Variants in PIAS2 observed in about 807,000 individuals in gnomAD.
The protein encoded by PIAS2 is E3 SUMO-protein ligase PIAS2.
PIAS2 carries 19 observed loss-of-function variants against 69.7 expected under a neutral mutation model. That is an observed-to-expected ratio of 0.27 (90% CI 0.19 to 0.40). The LOEUF (loss-of-function observed/expected upper bound fraction) is 0.40, where lower values mean the gene tolerates loss of function less well. Among genes scored for constraint, PIAS2 ranks in the 10% least tolerant of loss-of-function variants. The pLI is 1.00. For missense variants in PIAS2, 624 were observed against 757.0 expected (o/e 0.82, Z 2.06); for synonymous variants, 261 against 263.2 (o/e 0.99, Z 0.08).
At chr18:46,884,140 G>A (rs1250334849) in intron 2 of PIAS2, among the ~76,000 whole-genome samples, 1 of 152,010 alleles carries the variant, frequency 6.6e-6, no homozygotes, top group African/African-American at 2.4e-5. Context: ...GAAAAGAGAG[G>A]GCTTTAAAGA....
At chr18:46,920,092 C>T, upstream of PIAS2, 3 of 1,289,708 alleles carry the variant, frequency 2.3e-6, no homozygotes, top group South Asian at 1.2e-5. Context: ...TCCCAGCATT[C>T]ATTCTGCCCC....
chr18:46,817,061 T>C lies in PIAS2; in HGVS notation c.1649-1712A>G, dbSNP rs537271156. ...AAAAAAAGTTTATTGGAACATTTTGTTCTGCTTCAAATGGTATAACCGTTT... is the reference window on the plus strand; with the variant it reads ...AAAAAAAGTTTATTGGAACATTTTGCTCTGCTTCAAATGGTATAACCGTTT... On this transcript the variant is annotated intron_variant, in intron 12 of 13. Transcript: ENST00000585916. 1.2e-5 allele frequency: 11 copies of C among 938,358 alleles called. No individual in the cohort carries two copies. The African/African-American group carries it at 1.8e-4, about 15-fold the overall frequency. 58.1% of individuals were successfully genotyped at this position (938,358 alleles called of 1,614,324 possible).
At chr18:46,815,433 A>C (rs1377991439) in intron 12 of PIAS2, 84 bp from the exon 13 acceptor site, 1 of 1,599,126 alleles carries the variant, frequency 6.3e-7, no homozygotes, top group African/African-American at 1.3e-5. Flanking sequence ...ATCACAAATC[A>C]CAAAACATTT....
intron 1 of PIAS2, among the ~76,000 whole-genome samples, chr18:46,899,079 C>G (rs539666289): frequency 6.6e-6 from 1 of 150,614 alleles, no homozygotes; most frequent in South Asian, 2.1e-4. Context: ...GAAAAGGTAT[C>G]AATTGTTTCC....
intron 3 of PIAS2, among the ~76,000 whole-genome samples, chr18:46,862,700 C>T (rs1321426983): frequency 6.6e-6 from 1 of 151,878 alleles, no homozygotes; most frequent in Non-Finnish European, 1.5e-5. Flanking sequence ...CATATATATA[C>T]ACATATATGT....
At chr18:46,815,715 G>C in intron 12 of PIAS2, 13 of 1,006,408 alleles carry the variant, frequency 1.3e-5, no homozygotes, top group Non-Finnish European at 1.5e-5. Context: ...ACATACTTAA[G>C]CTCTTAAGAT....
chr18:46,909,014 A>T (rs1183622119), intron 1 of PIAS2, among the ~76,000 whole-genome samples: 4 of 152,172 alleles, frequency 2.6e-5, no homozygotes, highest in African/African-American at 9.7e-5. Flanking sequence ...ATCTCAAAAA[A>T]TAAAAATAAA....
intron 9 of PIAS2, among the ~76,000 whole-genome samples, chr18:46,831,052 T>G (rs2043538836): frequency 6.6e-6 from 1 of 152,126 alleles, no homozygotes. Context: ...ATTACCAGAC[T>G]AGTCAATGCA....
Position 46,807,381 on chromosome 18 carries a change from ATATTTTTTTTTT to A in PIAS2, c.*5040_*5051del, listed in dbSNP as rs1350962899. 1.1e-3 allele frequency: 21 copies of A among 19,848 alleles called. No homozygotes were observed. The highest frequency in any genetic ancestry group is 1.7e-3 in the South Asian group (1 of 592). The allele number at this position is 19,848 out of a possible 1,614,324, so 1.2% of individuals were successfully genotyped here. The stretch of plus-strand genomic sequence containing the variant: ...TATATATATATATATATATATATAT[ATATTTTTTTTTT>A]TTTTTTTTTTTTTTTTTAGAGAGTC... On this transcript the variant is annotated 3_prime_UTR_variant, in exon 14 of 14. Coordinates refer to ENST00000585916, the MANE Select transcript of PIAS2 (RefSeq NM_004671.5).
At chr18:46,881,820 C>T (rs183345530) in intron 2 of PIAS2, among the ~76,000 whole-genome samples, 8 of 152,336 alleles carry the variant, frequency 5.3e-5, no homozygotes, top group Non-Finnish European at 8.8e-5. Context: ...ACACAGACAC[C>T]GGGCACGGTG....
chr18:46,886,777 G>T (rs573804144), intron 2 of PIAS2, among the ~76,000 whole-genome samples: 1 of 152,048 alleles, frequency 6.6e-6, no homozygotes, highest in African/African-American at 2.4e-5. Flanking sequence ...AGTGGAGGCC[G>T]CAGTGAGCCG....
intron 12 of PIAS2, among the ~76,000 whole-genome samples, chr18:46,818,998 T>G (rs1041415244): frequency 1.3e-5 from 2 of 152,104 alleles, no homozygotes; most frequent in African/African-American, 4.8e-5. Flanking sequence ...TCTGAAATAA[T>G]GTAAATTTCC....
At chr18:46,913,719 G>A (rs1313439156) in intron 1 of PIAS2, among the ~76,000 whole-genome samples, 1 of 152,186 alleles carries the variant, frequency 6.6e-6, no homozygotes, top group Non-Finnish European at 1.5e-5. Context: ...AACTGGAAGG[G>A]TAAAGAAAAA....
Position 46,812,382 on chromosome 18 carries a change from C to A in PIAS2, c.*51G>T. 1.2e-5 allele frequency: 13 copies of A among 1,118,276 alleles called. No individual in the cohort carries two copies. The highest frequency in any genetic ancestry group is 2.5e-5 in the East Asian group (1 of 39,432). The allele number at this position is 1,118,276 out of a possible 1,614,324, so 69.3% of individuals were successfully genotyped here. The stretch of plus-strand genomic sequence containing the variant: ...AGAACGTTTCCACAGACTAGAGATC[C>A]AAGAAAAAGCAGTTCTGATGAATGA... On this transcript the variant is annotated 3_prime_UTR_variant, in exon 14 of 14. Coordinates refer to ENST00000585916, the MANE Select transcript of PIAS2 (RefSeq NM_004671.5).
At chr18:46,822,782 G>C (rs186725390) in intron 11 of PIAS2, among the ~76,000 whole-genome samples, 57 of 152,236 alleles carry the variant, frequency 3.7e-4, no homozygotes, top group African/African-American at 1.3e-3. Flanking sequence ...GAGAGAGACT[G>C]GGGTATACGT....
chr18:46,812,733 A>AT, intron 13 of PIAS2, 121 bp from the exon 14 acceptor site: 1 of 585,372 alleles, frequency 1.7e-6, no homozygotes, highest in Non-Finnish European at 3.0e-6. Flanking sequence ...TGGGATTTAA[A>AT]AATTGCTCAA....
intron 3 of PIAS2, among the ~76,000 whole-genome samples, chr18:46,858,843 G>A (rs1372358974): frequency 6.6e-6 from 1 of 152,118 alleles, no homozygotes; most frequent in Non-Finnish European, 1.5e-5. Context: ...TTCTAGGAGG[G>A]TATCCAGGTT....
rs1196283756 is a variant in PIAS2, at chr18:46,836,521, C to T, written c.1042-4G>A. ...TTGTCAGCCTCATTTTTCCTAACTA[C>T]AGGACAGGAAACACAAGGAAAACTA... On this transcript the variant is annotated splice_polypyrimidine_tract_variant and splice_region_variant and intron_variant, in intron 8 of 13. Transcript: ENST00000585916. 3.7e-6 allele frequency: 6 copies of T among 1,606,228 alleles called. No individual in the cohort carries two copies. The highest frequency in any genetic ancestry group is 3.3e-4 in the Middle Eastern group (2 of 6,056).
intron 5 of PIAS2, among the ~76,000 whole-genome samples, chr18:46,851,152 A>C (rs967644215): frequency 9.3e-4 from 142 of 152,288 alleles, no homozygotes; most frequent in African/African-American, 3.0e-3. Context: ...CAGGGTAACT[A>C]ACACACAACA....
Sources: gnomAD v4.1 joint callset for allele counts (sites outside exome capture counted in the v4.1 genomes callset) on GRCh38, gnomAD v4.1.1 for gene constraint, MANE v1.5 for transcripts, NCBI Gene and HGNC (gene_info 2026-07-23, HGNC 2026-07-21) for gene names.